CDC42BPA: variants seen among roughly 807,000 people sequenced by gnomAD.
CDC42BPA encodes CDC42 binding protein kinase alpha, also known as serine/threonine-protein kinase MRCK alpha.
CDC42BPA carries 80 observed loss-of-function variants against 223.5 expected under a neutral mutation model. The observed-to-expected ratio is 0.36, with a 90% CI of 0.30 to 0.43. The LOEUF (loss-of-function observed/expected upper bound fraction) is 0.43, where lower values mean the gene tolerates loss of function less well. Ranked by LOEUF, CDC42BPA falls within the 20% of genes least tolerant of loss-of-function variation. The pLI is 1.00. For synonymous variants in CDC42BPA, 694 were observed against 718.6 expected (o/e 0.97, Z 0.55); for missense variants, 1,743 against 2,099.9 (o/e 0.83, Z 3.32).
chr1:226,997,853 T>A (rs1412928359), intron 35 of CDC42BPA, among the ~76,000 whole-genome samples: 1 of 152,146 alleles, frequency 6.6e-6, no homozygotes, highest in East Asian at 1.9e-4. Context: ...GTGAGGAGTG[T>A]TTTACTTCCA....
At chr1:227,201,195 G>A (rs1174076963) in intron 3 of CDC42BPA, among the ~76,000 whole-genome samples, 1 of 151,840 alleles carries the variant, frequency 6.6e-6, no homozygotes, top group African/African-American at 2.4e-5. Context: ...TGCCCAAGCT[G>A]GAGTACAGTG....
chr1:227,133,229 C>G (rs77704520), intron 10 of CDC42BPA, among the ~76,000 whole-genome samples: 1 of 151,096 alleles, frequency 6.6e-6, no homozygotes, highest in South Asian at 2.1e-4. Flanking sequence ...GTCAGCCCCC[C>G]GCCCGGCCAG....
chr1:227,119,803 CCTTA>C lies in CDC42BPA; in HGVS notation c.1644_1647del (p.Asn548LysfsTer3), dbSNP rs1381720659. 8 of 1,554,962 alleles carry C rather than the reference CCTTA, an allele frequency of 5.1e-6. No individual in the cohort carries two copies. Among genetic ancestry groups the C allele is most frequent in the Non-Finnish European group, 7.0e-6 (8 of 1,144,704 alleles). On this transcript the variant is annotated frameshift_variant and splice_region_variant, in exon 12 of 37. Transcript: ENST00000366766. LOFTEE classifies it high-confidence loss of function. Reference sequence around the variant, plus strand: ...TTTAATGATCTAGTCACATATTTTACCTTATTTAGATCTTCTCTTTCTTGTTGTA... The same window carrying C: ...TTTAATGATCTAGTCACATATTTTACTTTAGATCTTCTCTTTCTTGTTGTA...
intron 31 of CDC42BPA, among the ~76,000 whole-genome samples, chr1:227,025,421 C>T (rs1400500804): frequency 3.3e-5 from 5 of 152,154 alleles, no homozygotes; most frequent in African/African-American, 7.2e-5. Context: ...GCTACTTTCA[C>T]ATATTCTCTA....
intron 2 of CDC42BPA, among the ~76,000 whole-genome samples, chr1:227,246,816 A>C (rs994846552): frequency 4.6e-5 from 7 of 152,196 alleles, no homozygotes; most frequent in Admixed American, 3.3e-4. Flanking sequence ...ACTATCCAAA[A>C]AACCTGACCT....
At chr1:227,170,150 C>T (rs747451091) in intron 5 of CDC42BPA, among the ~76,000 whole-genome samples, 1 of 152,056 alleles carries the variant, frequency 6.6e-6, no homozygotes, top group Non-Finnish European at 1.5e-5. Context: ...CTGGCTATGA[C>T]GTCCAAGGCT....
chr1:227,220,072 A>G (rs1311655798), intron 2 of CDC42BPA, among the ~76,000 whole-genome samples: 1 of 151,948 alleles, frequency 6.6e-6, no homozygotes, highest in Admixed American at 6.6e-5. Flanking sequence ...CTGACCTGTG[A>G]CCAGGCAGGA....
At chr1:227,175,526 C>T (rs1183340019) in intron 5 of CDC42BPA, among the ~76,000 whole-genome samples, 1 of 152,048 alleles carries the variant, frequency 6.6e-6, no homozygotes, top group Non-Finnish European at 1.5e-5. Context: ...TCATTCATTA[C>T]ATGTACTGTT....
At chr1:227,078,491 C>G (rs989352115) in intron 17 of CDC42BPA, among the ~76,000 whole-genome samples, 21 of 152,032 alleles carry the variant, frequency 1.4e-4, no homozygotes, top group African/African-American at 4.3e-4. Flanking sequence ...TATGGACTAG[C>G]CTATTAATCT....
intron 15 of CDC42BPA, among the ~76,000 whole-genome samples, chr1:227,096,190 T>C (rs1418390433): frequency 6.6e-6 from 1 of 152,146 alleles, no homozygotes; most frequent in East Asian, 1.9e-4. Context: ...CTACTATCTA[T>C]AGACAGATGT....
At chr1:227,191,150 C>A (rs1217585096) in intron 5 of CDC42BPA, among the ~76,000 whole-genome samples, 1 of 151,880 alleles carries the variant, frequency 6.6e-6, no homozygotes, top group Non-Finnish European at 1.5e-5. Flanking sequence ...TCGAGACCAA[C>A]CCGACCAACA....
At chr1:227,214,676 T>C (rs2150378776) in intron 2 of CDC42BPA, among the ~76,000 whole-genome samples, 1 of 152,274 alleles carries the variant, frequency 6.6e-6, no homozygotes, top group African/African-American at 2.4e-5. Context: ...ACTTACACCC[T>C]CTTATTCTGA....
Position 227,129,188 on chromosome 1 carries a change from A to G in CDC42BPA, c.1434T>C (p.Asp478=). 6.3e-7 allele frequency: 1 copy of G among 1,596,506 alleles called. No homozygotes were observed. The highest frequency in any genetic ancestry group is 8.6e-7 in the Non-Finnish European group (1 of 1,167,488). ...TVQALQYSTV[D]GPLTASKDLE... ...AATCTTTGCTTGCTGTTAGTGGACC[A>G]TCAACAGTTGAATACTGCAGAGCTT... The change falls in exon 11 of 37, where the codon GAT becomes GAC. Residue 478 remains aspartate (D), a synonymous_variant. Transcript: ENST00000366766.
intron 1 of CDC42BPA, among the ~76,000 whole-genome samples, chr1:227,309,997 T>C (rs1693229308): frequency 6.6e-6 from 1 of 152,198 alleles, no homozygotes; most frequent in Non-Finnish European, 1.5e-5. Context: ...ATATAACCTA[T>C]TCAGATTTGG....
At chr1:227,189,424 T>A (rs903716149) in intron 5 of CDC42BPA, among the ~76,000 whole-genome samples, 2 of 152,192 alleles carry the variant, frequency 1.3e-5, no homozygotes, top group Non-Finnish European at 2.9e-5. Context: ...CTCAAATTTA[T>A]AATGCAAAAA....
intron 27 of CDC42BPA, among the ~76,000 whole-genome samples, chr1:227,032,675 C>G (rs1198854811): frequency 1.3e-5 from 2 of 152,142 alleles, no homozygotes; most frequent in African/African-American, 4.8e-5. Flanking sequence ...GGCCTGGCAG[C>G]TTATTTTGCT....
At chr1:227,075,517 G>T (rs1224706292) in intron 17 of CDC42BPA, among the ~76,000 whole-genome samples, 2 of 152,026 alleles carry the variant, frequency 1.3e-5, no homozygotes, top group Non-Finnish European at 1.5e-5. Context: ...CCATGGTAAG[G>T]GACAGTTACA....
In CDC42BPA at chr1:227,016,216, G is replaced by T; in HGVS notation, c.4740-19C>A. The T allele has an allele frequency of 7.8e-7, 1 of 1,276,946 alleles. No individual in the cohort carries two copies. The highest frequency in any genetic ancestry group is 1.1e-6 in the Non-Finnish European group (1 of 877,196). 79.1% of individuals were successfully genotyped at this position (1,276,946 alleles called of 1,614,324 possible). On this transcript the variant is annotated intron_variant, in intron 33 of 36. Transcript: ENST00000366766. Reference sequence around the variant, plus strand: ...CATTTCCCTGTAAGACAAGGCATCTGTTTAGATACTTTTTCCACAGTTAAT... The same window carrying T: ...CATTTCCCTGTAAGACAAGGCATCTTTTTAGATACTTTTTCCACAGTTAAT...
intron 2 of CDC42BPA, among the ~76,000 whole-genome samples, chr1:227,230,907 G>A (rs1444019714): frequency 2.2e-5 from 3 of 138,204 alleles, no homozygotes; most frequent in Non-Finnish European, 3.0e-5. Context: ...TGCAATCTCC[G>A]ACACCCGGGT....
Sources: allele counts gnomAD v4.1 joint callset (sites outside exome capture counted in the v4.1 genomes callset), GRCh38; gene constraint gnomAD v4.1.1; transcripts MANE v1.5; gene names NCBI Gene and HGNC (gene_info 2026-07-23, HGNC 2026-07-21).